The following VWF variants were observed in gnomAD, a reference collection of about 807,000 sequenced individuals.
VWF encodes Factor VIII related antigen.
A neutral mutation model predicts 308.6 loss-of-function variants in VWF; 176 were observed. That is an observed-to-expected ratio of 0.57 (90% CI 0.50 to 0.65). The LOEUF (loss-of-function observed/expected upper bound fraction) is 0.65. VWF is among the 30% of genes least tolerant of loss of function. VWF has a pLI of 0.00. For synonymous variants in VWF, 1,385 were observed against 1,443.4 expected, an observed-to-expected ratio of 0.96 and a Z score of 0.92; for missense variants, 3,146 against 3,648.2, an observed-to-expected ratio of 0.86 and a Z score of 3.55.
intron 31 of VWF, 144 bp from the exon 32 acceptor site, chr12:6,013,789 T>G (rs1418590095): frequency 3.3e-6 from 3 of 916,770 alleles, no homozygotes. Flanking sequence ...AGATGTTCAG[T>G]CAACAGATAT....
rs757111785 is a variant in VWF, at chr12:6,072,401, C to T, written c.1039G>A (p.Glu347Lys). ...TTTCCGGAATGCACGCAGGGACACTCGGTGCTCTCCACGCAGAGGCCTTCA... is the reference window on the plus strand; with the variant it reads ...TTTCCGGAATGCACGCAGGGACACTTGGTGCTCTCCACGCAGAGGCCTTCA... ...LDEGLCVEST[E>K]CPCVHSGKRY... Residue 347 changes from glutamate to lysine, a missense_variant, in exon 9 of 52, where the codon GAG becomes AAG. By Grantham distance (56) the Glu-to-Lys change is moderately conservative. Around this residue, in one of 3 missense-constraint regions of VWF, gnomAD observed 1,304 missense variants for 1,353.0 expected, o/e 0.96. Coordinates refer to ENST00000261405, the MANE Select transcript of VWF (RefSeq NM_000552.5). The T allele has an allele frequency of 1.2e-5, 20 of 1,614,006 alleles. No individual in the cohort carries two copies. Among genetic ancestry groups the T allele is most frequent in the South Asian group, 7.7e-5 (7 of 91,080 alleles).
At position 6,075,049 on chromosome 12, in the gene VWF, TGTGAGTGCAGGGGTCG is replaced by T. The variant is rs1944826165; in HGVS notation, c.874+270_874+285del. ...TCTTGGTGGGAAGCAGAGAACACTG[TGTGAGTGCAGGGGTCG>T]GATTTCCTGAGGGAAGTCAGGGGGC... On this transcript the variant is annotated intron_variant, in intron 7 of 51. Transcript: ENST00000261405. This position sits in a 1 kb window ranked among gnomAD's most constrained non-coding sequence, Gnocchi z 4.7. Among the ~76,000 whole-genome samples, 1 of 138,642 alleles carries T rather than the reference TGTGAGTGCAGGGGTCG, an allele frequency of 7.2e-6. No individual in the cohort carries two copies. Among genetic ancestry groups the T allele is most frequent in the African/African-American group, 2.8e-5 (1 of 35,918 alleles). The allele number at this position is 138,642 out of a possible 152,430, so 91.0% of individuals were successfully genotyped here. A position where few individuals can be genotyped will look rare whatever the true frequency, so the allele number is the denominator to read the frequency against.
chr12:6,037,933 G>T (rs1024702342), intron 18 of VWF, among the ~76,000 whole-genome samples: 1 of 152,168 alleles, frequency 6.6e-6, no homozygotes, highest in Non-Finnish European at 1.5e-5. Flanking sequence ...GAAATAGGAA[G>T]AATCCTCCAC....
intron 6 of VWF, among the ~76,000 whole-genome samples, chr12:6,078,208 C>G (rs1329943466): frequency 1.3e-5 from 2 of 152,140 alleles, no homozygotes; most frequent in East Asian, 1.9e-4. Flanking sequence ...GAATGGTTGC[C>G]GAGCATTATC....
intron 15 of VWF, among the ~76,000 whole-genome samples, chr12:6,056,571 G>A (rs1485197731): frequency 1.3e-5 from 2 of 152,134 alleles, no homozygotes; most frequent in African/African-American, 4.8e-5. Context: ...AGCGGCCACG[G>A]GAAACCCAAG....
chr12:6,044,591 T>A, intron 17 of VWF, 140 bp from the exon 18 acceptor site: 3 of 1,037,506 alleles, frequency 2.9e-6, no homozygotes, highest in Non-Finnish European at 4.3e-6. Flanking sequence ...AGCAGCTGCC[T>A]GAGCCAGGGT....
intron 42 of VWF, among the ~76,000 whole-genome samples, chr12:5,976,590 C>T (rs975876276): frequency 1.3e-5 from 2 of 152,048 alleles, no homozygotes; most frequent in Admixed American, 6.6e-5. Context: ...CCTATGTCAC[C>T]GAGAAGCTGT....
In VWF at chr12:5,953,025, G is replaced by A. The variant is rs1565807053; in HGVS notation, c.7986+471C>T. ...GGGCGGATCACGAGGTCAAGAGATC[G>A]AGACCATCCTGGCCAACATGATGAA... On this transcript the variant is annotated intron_variant, in intron 48 of 51. Coordinates refer to ENST00000261405, the MANE Select transcript of VWF (RefSeq NM_000552.5). Among the ~76,000 whole-genome samples the A allele has an allele frequency of 2.0e-5, 3 of 152,124 alleles. No homozygotes were observed. The South Asian group carries it at 6.2e-4, about 32-fold the overall frequency.
In VWF at chr12:6,052,531, G is replaced by T. The variant is rs1944527224; in HGVS notation, c.2186+12C>A. ...TGTTTTAGAGGTCCCTGACACTGCT[G>T]CCTGCACTTACCACATGGTGTGATG... On this transcript the variant is annotated intron_variant, in intron 16 of 51. Transcript: ENST00000261405. 6.2e-7 allele frequency: 1 copy of T among 1,614,096 alleles called. No homozygotes were observed. The highest frequency in any genetic ancestry group is 1.7e-5 in the Admixed American group (1 of 60,004).
chr12:5,988,387 C>G (rs1021505484), intron 38 of VWF, among the ~76,000 whole-genome samples: 1 of 152,116 alleles, frequency 6.6e-6, no homozygotes, highest in South Asian at 2.1e-4. Context: ...GCGCTGGCCT[C>G]GGAGGGCTGG....
chr12:6,092,491 C>A (rs1202507351), intron 6 of VWF, among the ~76,000 whole-genome samples: 2 of 150,752 alleles, frequency 1.3e-5, no homozygotes, highest in Non-Finnish European at 2.9e-5. Context: ...TACTGGTGCA[C>A]CACCATGCCC....
At chr12:5,974,649 G>A (rs1943512903) in intron 43 of VWF, among the ~76,000 whole-genome samples, 1 of 152,222 alleles carries the variant, frequency 6.6e-6, no homozygotes, top group African/African-American at 2.4e-5. Context: ...CTGAAAAGCT[G>A]TGTGGAGTTG....
rs971026321 is a variant in VWF at position 5,969,387 on chromosome 12, C to G, written c.7553G>C (p.Gly2518Ala). ...GTTCTCCGGGGAGGCCCACTGGGAG[C>G]CGACCTGCAGGGCACCAGAGTTAGT... Reference protein sequence around the residue: ...GDSQSSWKSVGSQWASPENPC... With the variant: ...GDSQSSWKSVASQWASPENPC... The change falls in exon 45 of 52, where the codon GGC (glycine) becomes GCC (alanine). Residue 2518 changes from glycine (G) to alanine (A), a missense_variant. This residue lies in a region of VWF where 989 missense variants were observed against 1,117.4 expected (regional missense o/e 0.89). Transcript: ENST00000261405. 1 of 1,614,182 alleles carries G rather than the reference C, an allele frequency of 6.2e-7. No homozygotes were observed. The highest frequency in any genetic ancestry group is 8.5e-7 in the Non-Finnish European group (1 of 1,180,016).
At chr12:6,007,175 TAG>T (rs1491580565) in intron 34 of VWF, among the ~76,000 whole-genome samples, 11 of 152,190 alleles carry the variant, frequency 7.2e-5, no homozygotes, top group Admixed American at 6.5e-5. Context: ...AAAATCCAGA[TAG>T]AAGATCAATA....
At chr12:6,067,434 T>C (rs574394578) in intron 10 of VWF, among the ~76,000 whole-genome samples, 36 of 152,334 alleles carry the variant, frequency 2.4e-4, no homozygotes, top group African/African-American at 4.3e-4. Context: ...TGTGCAAATA[T>C]TCGAAAGGAA....
At chr12:6,088,304 C>G (rs1196896389) in intron 6 of VWF, among the ~76,000 whole-genome samples, 2 of 151,822 alleles carry the variant, frequency 1.3e-5, no homozygotes, top group Non-Finnish European at 2.9e-5. Flanking sequence ...CGGTGAAAAC[C>G]CGTCTCTACT....
intron 6 of VWF, among the ~76,000 whole-genome samples, chr12:6,094,509 T>C (rs1457284407): frequency 6.6e-6 from 1 of 151,980 alleles, no homozygotes; most frequent in Non-Finnish European, 1.5e-5. Flanking sequence ...GGCACTGGAG[T>C]CTAAAACAGA....
Position 5,956,661 on chromosome 12 carries a change from TAAAC to T in VWF, c.7888-3071_7888-3068del, listed in dbSNP as rs1362392108. Among the ~76,000 whole-genome samples, 106 of 151,156 alleles carry T rather than the reference TAAAC, an allele frequency of 7.0e-4. 1 individual carries two copies. Among genetic ancestry groups the T allele is most frequent in the African/African-American group, 2.5e-3 (101 of 41,162 alleles). On this transcript the variant is annotated intron_variant, in intron 47 of 51. Transcript: ENST00000261405. ...GTCTCGAAAAAAAAAAAAAAGAAGT[TAAAC>T]AAATTAAAAATTTCAAAAATAGGAA... is the stretch of plus-strand genomic sequence containing the variant.
chr12:6,119,165 C>T (rs1945403058), intron 3 of VWF, among the ~76,000 whole-genome samples: 1 of 152,236 alleles, frequency 6.6e-6, no homozygotes, highest in African/African-American at 2.4e-5. Context: ...CATCAGACTC[C>T]AAGACCCTAC....
Sources: allele counts gnomAD v4.1 joint callset (sites outside exome capture counted in the v4.1 genomes callset), GRCh38; gene constraint gnomAD v4.1.1; regional missense constraint gnomAD v4.1.1; non-coding constraint Gnocchi (gnomAD v3.1); transcripts MANE v1.5; gene names NCBI Gene and HGNC (gene_info 2026-07-23, HGNC 2026-07-21).